The following RHBDD1 variants were observed in gnomAD, a reference collection of about 807,000 sequenced individuals.
RHBDD1 encodes the protein rhomboid domain containing 1.
A neutral mutation model predicts 36.3 loss-of-function variants in RHBDD1; 38 were observed. The observed-to-expected ratio is 1.05, with a 90% CI of 0.81 to 1.37. The LOEUF is 1.37. Ranked by LOEUF, RHBDD1 falls within the 40% of genes most tolerant of loss-of-function variation. The pLI, the probability that RHBDD1 is intolerant of heterozygous loss-of-function variation, is 0.00. For missense variants in RHBDD1, 393 were observed against 377.6 expected (o/e 1.04, Z -0.34); for synonymous variants, 151 against 136.5 (o/e 1.11, Z -0.74).
chr2:226,881,517 C>G (rs1013761878), intron 5 of RHBDD1, among the ~76,000 whole-genome samples: 2 of 152,190 alleles, frequency 1.3e-5, no homozygotes, highest in African/African-American at 4.8e-5. Context: ...ACTACCTCAT[C>G]ATTCAGATTA....
At chr2:226,929,892 T>C (rs1439232036) in intron 8 of RHBDD1, among the ~76,000 whole-genome samples, 2 of 151,870 alleles carry the variant, frequency 1.3e-5, no homozygotes, top group African/African-American at 4.8e-5. Context: ...ACCCCTTTTA[T>C]GATAGCTGCA....
chr2:226,931,084 C>G (rs1025479845), intron 8 of RHBDD1, among the ~76,000 whole-genome samples: 3 of 152,040 alleles, frequency 2.0e-5, no homozygotes, highest in Non-Finnish European at 4.4e-5. Context: ...TACAGAGATT[C>G]TTCAAAGAAC....
intron 5 of RHBDD1, among the ~76,000 whole-genome samples, chr2:226,887,001 A>C (rs1946274315): frequency 6.6e-6 from 1 of 152,168 alleles, no homozygotes; most frequent in Non-Finnish European, 1.5e-5. Flanking sequence ...TGAAAAAACA[A>C]GTAGACAAGC....
At chr2:226,800,640 C>T in the RHBDD1 span, among the ~76,000 whole-genome samples, 15 of 152,200 alleles carry the variant, frequency 9.9e-5, no homozygotes, top group African/African-American at 3.6e-4. Context: ...AATGAGAGGT[C>T]CCTTATCATA....
chr2:226,931,640 A>G (rs1303494094), intron 8 of RHBDD1, among the ~76,000 whole-genome samples: 2 of 152,080 alleles, frequency 1.3e-5, no homozygotes, highest in East Asian at 3.9e-4. Context: ...CCCTAAAGCT[A>G]CTGAAATAAA....
Position 226,904,430 on chromosome 2 carries a change from T to C in RHBDD1, c.567-2363T>C, listed in dbSNP as rs559099165. ...TCCTGCAAGCGGGGGGGGAGGGGGG[T>C]CAGGGAACTCCTGTTTCAGTAGATA... On this transcript the variant is annotated intron_variant, in intron 5 of 8. Transcript: ENST00000392062. Among the ~76,000 whole-genome samples, 108 of 107,038 alleles carry C rather than the reference T, an allele frequency of 1.0e-3. 11 individuals carry two copies. Among genetic ancestry groups the C allele is most frequent in the African/African-American group, 2.7e-3 (75 of 27,334 alleles). 70.2% of individuals were successfully genotyped at this position (107,038 alleles called of 152,430 possible).
At chr2:226,802,252 A>T in the RHBDD1 span, among the ~76,000 whole-genome samples, 1 of 152,204 alleles carries the variant, frequency 6.6e-6, no homozygotes, top group African/African-American at 2.4e-5. Context: ...CAGTTGCTAA[A>T]TATTCGATAA....
chr2:226,966,076 G>A (rs770632866), intron 8 of RHBDD1, among the ~76,000 whole-genome samples: 2 of 152,088 alleles, frequency 1.3e-5, no homozygotes, highest in Admixed American at 6.6e-5. Context: ...TTCAACATAC[G>A]CAAATCAATA....
intron 8 of RHBDD1, among the ~76,000 whole-genome samples, chr2:226,947,578 C>T (rs1037617569): frequency 8.5e-4 from 129 of 152,138 alleles, no homozygotes; most frequent in African/African-American, 2.8e-3. Context: ...ATTGACTTGG[C>T]GATGCAGGCT....
At chr2:226,960,769 C>A (rs1559315002) in intron 8 of RHBDD1, among the ~76,000 whole-genome samples, 1 of 152,178 alleles carries the variant, frequency 6.6e-6, no homozygotes, top group East Asian at 1.9e-4. Flanking sequence ...CCTTAGCAGT[C>A]ACTCTCTTCA....
At chr2:226,949,903 A>C (rs998578226) in intron 8 of RHBDD1, among the ~76,000 whole-genome samples, 14 of 152,172 alleles carry the variant, frequency 9.2e-5, no homozygotes, top group African/African-American at 3.1e-4. Context: ...TGGTTTAAGG[A>C]TCACTCTAAT....
intron 5 of RHBDD1, among the ~76,000 whole-genome samples, chr2:226,870,240 A>C (rs1944679266): frequency 6.6e-6 from 1 of 152,168 alleles, no homozygotes; most frequent in Non-Finnish European, 1.5e-5. Context: ...TCTCTGTTTG[A>C]TAAGTCAGTT....
chr2:226,986,929 A>G (rs1292364969), intron 8 of RHBDD1, among the ~76,000 whole-genome samples: 1 of 152,250 alleles, frequency 6.6e-6, no homozygotes, highest in East Asian at 1.9e-4. Context: ...GGCCAACCCA[A>G]ATGCCCATCA....
At chr2:226,989,982 C>T (rs576608336) in intron 8 of RHBDD1, among the ~76,000 whole-genome samples, 34 of 152,270 alleles carry the variant, frequency 2.2e-4, no homozygotes, top group African/African-American at 7.9e-4. Flanking sequence ...GATAGAAATG[C>T]GAATGTTTTC....
intron 8 of RHBDD1, among the ~76,000 whole-genome samples, chr2:226,953,648 A>G (rs1043722652): frequency 1.3e-5 from 2 of 152,234 alleles, no homozygotes; most frequent in Non-Finnish European, 2.9e-5. Context: ...GGAAGCAGTA[A>G]GGCACGTGCT....
rs1026212893 is a variant in RHBDD1, at chr2:226,896,213, A to G, written c.567-10580A>G. Among the ~76,000 whole-genome samples, 4 of 152,296 alleles carry G rather than the reference A, an allele frequency of 2.6e-5. No homozygotes were observed. In the South Asian group the frequency reaches 8.3e-4, roughly 32 times the overall value. ...TTAGATGTCTCTATTTTGTTGTCTC[A>G]TAGGCCTCTCAAAGCAAAGAAAACA... On this transcript the variant is annotated intron_variant, in intron 5 of 8. Coordinates refer to ENST00000392062, the MANE Select transcript of RHBDD1 (RefSeq NM_001167608.3).
intron 8 of RHBDD1, among the ~76,000 whole-genome samples, chr2:226,967,472 G>A (rs998642760): frequency 2.0e-5 from 3 of 151,762 alleles, no homozygotes; most frequent in Admixed American, 6.6e-5. Context: ...CCATGTTGGT[G>A]TGCTGCACCC....
At chr2:226,929,482 G>A (rs1245592490) in intron 8 of RHBDD1, among the ~76,000 whole-genome samples, 1 of 151,950 alleles carries the variant, frequency 6.6e-6, no homozygotes, top group Non-Finnish European at 1.5e-5. Flanking sequence ...AACAAACTAG[G>A]AATCGAAGGA....
intron 5 of RHBDD1, among the ~76,000 whole-genome samples, chr2:226,880,834 G>A (rs1326100428): frequency 6.6e-6 from 1 of 152,148 alleles, no homozygotes. Flanking sequence ...GAAAGTAGTG[G>A]CTAAGTGAAA....
Sources: gnomAD v4.1 joint callset for allele counts (sites outside exome capture counted in the v4.1 genomes callset) on GRCh38, gnomAD v4.1.1 for gene constraint, MANE v1.5 for transcripts, NCBI Gene and HGNC (gene_info 2026-07-23, HGNC 2026-07-21) for gene names.